The following KHDC1 variants were observed in gnomAD, a reference collection of about 807,000 sequenced individuals.
KHDC1 encodes the protein KH domain containing 1.
Under a neutral mutation model 24.7 loss-of-function variants are expected in KHDC1, and 21 were observed. That is an observed-to-expected ratio of 0.85 (90% CI 0.60 to 1.23). The LOEUF (loss-of-function observed/expected upper bound fraction) is 1.23, where lower values mean the gene tolerates loss of function less well. Among genes scored for constraint, KHDC1 ranks in the 50% most tolerant of loss-of-function variants. KHDC1 has a pLI of 0.00. For missense variants in KHDC1, 274 were observed against 298.5 expected (o/e 0.92, Z 0.61); for synonymous variants, 98 against 111.7 (o/e 0.88, Z 0.77).
chr6:73,242,347 G>A, intron 3 of KHDC1, 59 bp downstream of exon 2: 2 of 1,611,556 alleles, frequency 1.2e-6, no homozygotes, highest in Non-Finnish European at 1.7e-6. Context: ...GAGGGGAGAG[G>A]AAGAGTGAAA....
At chr6:73,298,991 G>C (rs1767813783) in intron 1 of KHDC1, 1 of 152,322 alleles carries the variant, frequency 6.6e-6, no homozygotes, top group Non-Finnish European at 1.5e-5. Context: ...AACTTGTAGA[G>C]AGTAAGTGAA....
intron 2 of KHDC1, among the ~76,000 whole-genome samples, chr6:73,289,204 C>T (rs920917784): frequency 1.3e-5 from 2 of 151,386 alleles, no homozygotes; most frequent in Non-Finnish European, 2.9e-5. Context: ...CATGGTGGCA[C>T]ATGCCTGTAG....
chr6:73,293,441 T>A (rs180765395), intron 1 of KHDC1, among the ~76,000 whole-genome samples: 2 of 152,276 alleles, frequency 1.3e-5, no homozygotes, highest in African/African-American at 2.4e-5. Context: ...CACAAAAAAA[T>A]TTTAATCCTT....
intron 2 of KHDC1, among the ~76,000 whole-genome samples, chr6:73,264,418 C>T (rs1442177237): frequency 2.6e-5 from 4 of 152,170 alleles, no homozygotes; most frequent in Non-Finnish European, 2.9e-5. Flanking sequence ...TCAGACACAG[C>T]CTAGGAGTCT....
intron 2 of KHDC1, among the ~76,000 whole-genome samples, chr6:73,263,749 G>A (rs1767031128): frequency 6.6e-6 from 1 of 152,200 alleles, no homozygotes; most frequent in African/African-American, 2.4e-5. Context: ...GGAAATGAAT[G>A]TTTTTGGGTT....
intron 2 of KHDC1, chr6:73,269,220 C>G (rs1767138026): frequency 6.5e-6 from 1 of 153,034 alleles, no homozygotes; most frequent in Non-Finnish European, 1.5e-5. Context: ...CCTGCAAGCA[C>G]CGCGCACAGC....
At chr6:73,261,782 G>A (rs957610981) in intron 2 of KHDC1, among the ~76,000 whole-genome samples, 2 of 151,658 alleles carry the variant, frequency 1.3e-5, no homozygotes, top group African/African-American at 2.4e-5. Context: ...CATGGTGGCA[G>A]GCACCTGTAA....
chr6:73,246,107 A>G (rs1471642161), intron 2 of KHDC1, among the ~76,000 whole-genome samples: 1 of 152,246 alleles, frequency 6.6e-6, no homozygotes, highest in Non-Finnish European at 1.5e-5. Flanking sequence ...ACAAGAGGTC[A>G]GAAAAACCTC....
At chr6:73,288,950 TC>T (rs1767574570) in intron 2 of KHDC1, among the ~76,000 whole-genome samples, 1 of 152,140 alleles carries the variant, frequency 6.6e-6, no homozygotes, top group South Asian at 2.1e-4. Context: ...GATTAAAATA[TC>T]CAATCATTTC....
chr6:73,273,013 C>G (rs1249563027), intron 2 of KHDC1, among the ~76,000 whole-genome samples: 2 of 142,788 alleles, frequency 1.4e-5, no homozygotes, highest in Non-Finnish European at 3.1e-5. Context: ...CACGTGCCAC[C>G]ACGCCTGGCT....
At chr6:73,309,930 C>T (rs1401682248) in exon 1 of KHDC1, 4 of 521,264 alleles carry the variant, frequency 7.7e-6, no homozygotes, top group Non-Finnish European at 1.3e-5. Flanking sequence ...GAAGTGGGCA[C>T]GGGACCACAT....
At chr6:73,292,916 G>A (rs1390576078) in intron 1 of KHDC1, 5 of 817,208 alleles carry the variant, frequency 6.1e-6, no homozygotes, top group Non-Finnish European at 1.0e-5. Flanking sequence ...CGACTTCTTG[G>A]TGGCTTGTCT....
At chr6:73,276,941 A>G (rs903862773) in intron 2 of KHDC1, among the ~76,000 whole-genome samples, 1 of 152,242 alleles carries the variant, frequency 6.6e-6, no homozygotes, top group African/African-American at 2.4e-5. Flanking sequence ...TTGTTCCCAC[A>G]TGAAGAAAAA....
chr6:73,282,030 C>T (rs1049878902), intron 2 of KHDC1, among the ~76,000 whole-genome samples: 3 of 151,846 alleles, frequency 2.0e-5, no homozygotes, highest in Non-Finnish European at 4.4e-5. Context: ...CCAGCCTGGC[C>T]AACATGGTGG....
At chr6:73,268,424 A>T (rs1221580430) in intron 2 of KHDC1, 1 of 152,712 alleles carries the variant, frequency 6.5e-6, no homozygotes, top group Admixed American at 6.6e-5. Flanking sequence ...AGCAAAGAAC[A>T]AAGCTTCCAC....
At chr6:73,278,925 G>A (rs1767353556) in intron 2 of KHDC1, among the ~76,000 whole-genome samples, 1 of 152,070 alleles carries the variant, frequency 6.6e-6, no homozygotes, top group South Asian at 2.1e-4. Flanking sequence ...CTGCCTCTTT[G>A]TCACTTTTCA....
In KHDC1 at chr6:73,242,173, A is replaced by AC. The variant is rs1461789530; in HGVS notation, c.395dup (p.Ser132ArgfsTer57). On this transcript the variant is annotated frameshift_variant, in exon 4 of 5. Coordinates refer to ENST00000370384, the Ensembl canonical transcript of KHDC1. LOFTEE classifies it high-confidence loss of function. ...GAGTCTGGCCTGTAGCTGTGAACCA[A>AC]CTCTCCAGCTGAATAAGGGTGTGGC... 1.2e-6 allele frequency: 2 copies of AC among 1,613,890 alleles called. No individual in the cohort carries two copies. The highest frequency in any genetic ancestry group is 1.7e-6 in the Non-Finnish European group (2 of 1,179,980).
At chr6:73,241,518 T>C (rs758714404) in exon 5 of KHDC1, 4 of 1,612,434 alleles carry the variant, frequency 2.5e-6, no homozygotes, top group Non-Finnish European at 3.4e-6. Flanking sequence ...CCAGGGGAGA[T>C]CAGTCCTTAA....
intron 2 of KHDC1, among the ~76,000 whole-genome samples, chr6:73,288,796 C>A (rs1477656534): frequency 2.7e-5 from 3 of 109,542 alleles, no homozygotes; most frequent in Non-Finnish European, 3.8e-5. Context: ...TAGTAAGACC[C>A]CCATCTCAAA....
Sources: allele counts gnomAD v4.1 joint callset (sites outside exome capture counted in the v4.1 genomes callset), GRCh38; gene constraint gnomAD v4.1.1; transcripts MANE v1.5; gene names NCBI Gene and HGNC (gene_info 2026-07-23, HGNC 2026-07-21).